AK7: variants seen among roughly 807,000 people sequenced by gnomAD.
The protein encoded by AK7 is ATP-AMP transphosphorylase 7.
AK7 carries 78 observed loss-of-function variants against 96.6 expected under a neutral mutation model. That is an observed-to-expected ratio of 0.81 (90% CI 0.67 to 0.97). AK7 has a LOEUF of 0.97. Ranked by LOEUF, AK7 falls within the 50% of genes least tolerant of loss-of-function variation. AK7 has a pLI of 0.00. For synonymous variants in AK7, 302 were observed against 317.2 expected (o/e 0.95, Z 0.51); for missense variants, 855 against 887.9 (o/e 0.96, Z 0.47).
Position 96,451,429 on chromosome 14 carries a change from T to A in AK7, c.957T>A (p.Cys319Ter), listed in dbSNP as rs1386283009. ...AYLTKDLTQD[C>*]LDHLLVNLRM... ...TGTCCTCTATCTTTCAGCAAGATTGTCTTGACCATTTACTGGTCAACTTAA... is the reference window on the plus strand; with the variant it reads ...TGTCCTCTATCTTTCAGCAAGATTGACTTGACCATTTACTGGTCAACTTAA... Residue 319 changes from cysteine to a stop codon, truncating the protein, a stop_gained, in exon 10 of 18, where the codon TGT (cysteine) becomes TGA (stop). Transcript: ENST00000267584. LOFTEE classifies it high-confidence loss of function. 1.5e-5 allele frequency: 23 copies of A among 1,572,162 alleles called. No individual in the cohort carries two copies. Among genetic ancestry groups the A allele is most frequent in the Non-Finnish European group, 1.9e-5 (22 of 1,157,562 alleles).
At chr14:96,447,690 T>A (rs1893322911) in intron 8 of AK7, among the ~76,000 whole-genome samples, 1 of 151,782 alleles carries the variant, frequency 6.6e-6, no homozygotes, top group Non-Finnish European at 1.5e-5. Flanking sequence ...AGTGGTGTGA[T>A]CTTAGCTCAC....
chr14:96,424,910 A>G (rs1301650175), intron 5 of AK7, among the ~76,000 whole-genome samples: 2 of 152,226 alleles, frequency 1.3e-5, no homozygotes, highest in East Asian at 3.9e-4. Flanking sequence ...TATAAAGCTG[A>G]TTTAACTGAA....
intron 6 of AK7, among the ~76,000 whole-genome samples, chr14:96,439,881 AG>A (rs1266251160): frequency 1.3e-5 from 2 of 152,150 alleles, no homozygotes; most frequent in Non-Finnish European, 2.9e-5. Flanking sequence ...CTGTAAAAGG[AG>A]GGGGGTGCAA....
In AK7 at chr14:96,483,229, G is replaced by C; in HGVS notation, c.1974+10G>C. On this transcript the variant is annotated intron_variant, in intron 16 of 17. Coordinates refer to ENST00000267584, the MANE Select transcript of AK7 (RefSeq NM_152327.5). ...TCGCTGGGAGGAGTGGGTGAGTGGT[G>C]AGTGTGTTTGTGAGTCTGTGTATCT... 1 of 1,581,656 alleles carries C rather than the reference G, an allele frequency of 6.3e-7. No homozygotes were observed. The highest frequency in any genetic ancestry group is 1.1e-5 in the South Asian group (1 of 87,456).
chr14:96,407,294 A>G lies in AK7; in HGVS notation c.404-1553A>G, dbSNP rs550890723. Among the ~76,000 whole-genome samples the G allele has an allele frequency of 3.9e-5, 6 of 152,338 alleles. No individual in the cohort carries two copies. In the South Asian group the frequency reaches 8.3e-4, roughly 21 times the overall value. On this transcript the variant is annotated intron_variant, in intron 3 of 17. Coordinates refer to ENST00000267584, the MANE Select transcript of AK7 (RefSeq NM_152327.5). ...AGGTTAAAAGAGCAAAATTAAATTG[A>G]AGAGACAATTTTTGTTATTAGACTA...
chr14:96,402,409 A>G lies in AK7; in HGVS notation c.295-2348A>G, dbSNP rs536401320. Among the ~76,000 whole-genome samples the G allele has an allele frequency of 2.6e-5, 4 of 152,284 alleles. No homozygotes were observed. In the South Asian group the frequency reaches 6.2e-4, roughly 24 times the overall value. ...CTTAAATAGAGCCAACCATAATTTG[A>G]CACGTGTGCGTGTTTTTCTGTGGAC... On this transcript the variant is annotated intron_variant, in intron 2 of 17. Coordinates refer to ENST00000267584, the MANE Select transcript of AK7 (RefSeq NM_152327.5).
intron 10 of AK7, 128 bp from the exon 11 acceptor site, chr14:96,456,219 A>G: frequency 1.9e-6 from 2 of 1,049,522 alleles, no homozygotes; most frequent in Non-Finnish European, 2.6e-6. Context: ...CCCGAGCAAC[A>G]GAGTGAGAGA....
chr14:96,428,366 A>G (rs1481681179), intron 5 of AK7, among the ~76,000 whole-genome samples: 1 of 152,164 alleles, frequency 6.6e-6, no homozygotes, highest in Non-Finnish European at 1.5e-5. Flanking sequence ...TTTATCATTG[A>G]TGGACATTTG....
At chr14:96,401,142 C>T (rs1053042566) in intron 2 of AK7, among the ~76,000 whole-genome samples, 1 of 152,112 alleles carries the variant, frequency 6.6e-6, no homozygotes, top group East Asian at 1.9e-4. Flanking sequence ...TTTGATTCTG[C>T]GAATGTTTCC....
rs1054578412 is a variant in AK7, at chr14:96,446,041, G to C, written c.780-476G>C. On this transcript the variant is annotated intron_variant, in intron 7 of 17. Transcript: ENST00000267584. ...GGATAGGAAAGCAGGCTCAGGCACT[G>C]TTGCTGCGTGACTTCCTTAAAGAGC... is the stretch of plus-strand genomic sequence containing the variant. Among the ~76,000 whole-genome samples, 3 of 152,226 alleles carry C rather than the reference G, an allele frequency of 2.0e-5. No homozygotes were observed. In the East Asian group the frequency reaches 5.8e-4, roughly 29 times the overall value.
chr14:96,483,154 G>C lies in AK7; in HGVS notation c.1909G>C (p.Glu637Gln). The C allele has an allele frequency of 6.2e-7, 1 of 1,613,846 alleles. No individual in the cohort carries two copies. Among genetic ancestry groups the C allele is most frequent in the Non-Finnish European group, 8.5e-7 (1 of 1,179,958 alleles). The change falls in exon 16 of 18, where the codon GAA becomes CAA. Residue 637 changes from glutamate to glutamine, a missense_variant. Coordinates refer to ENST00000267584, the MANE Select transcript of AK7 (RefSeq NM_152327.5). The stretch of plus-strand genomic sequence containing the variant: ...GCGGCTGGCCAGGGAGGCTGCTGAG[G>C]AAGCAGAACGCGAGCACCAGGAGGC... ...EERLAREAAE[E>Q]AEREHQEAVE...
At chr14:96,418,770 C>G (rs1433465095) in intron 4 of AK7, among the ~76,000 whole-genome samples, 1 of 152,200 alleles carries the variant, frequency 6.6e-6, no homozygotes, top group Non-Finnish European at 1.5e-5. Flanking sequence ...CCACCCACCT[C>G]AGCCTCCCAA....
At chr14:96,450,483 G>A (rs1332178023) in intron 9 of AK7, among the ~76,000 whole-genome samples, 4 of 149,486 alleles carry the variant, frequency 2.7e-5, no homozygotes, top group Admixed American at 6.7e-5. Flanking sequence ...TATTTGATAC[G>A]TAAAATGCCA....
intron 7 of AK7, among the ~76,000 whole-genome samples, chr14:96,445,618 C>G (rs552088957): frequency 8.6e-5 from 13 of 151,990 alleles, no homozygotes; most frequent in Non-Finnish European, 1.2e-4. Context: ...CGTGATAACA[C>G]CACTGCCTGC....
intron 14 of AK7, among the ~76,000 whole-genome samples, chr14:96,475,886 G>A (rs1895147689): frequency 6.6e-6 from 1 of 152,006 alleles, no homozygotes; most frequent in African/African-American, 2.4e-5. Context: ...GGCTGAAGTG[G>A]GAGGATCTCT....
intron 12 of AK7, among the ~76,000 whole-genome samples, chr14:96,460,521 G>T (rs1391052065): frequency 6.6e-6 from 1 of 152,110 alleles, no homozygotes; most frequent in Non-Finnish European, 1.5e-5. Context: ...ATCTCTCAGG[G>T]GCTCTTGAGA....
intron 5 of AK7, among the ~76,000 whole-genome samples, chr14:96,428,830 T>C (rs942990218): frequency 1.1e-4 from 17 of 152,208 alleles, no homozygotes; most frequent in Admixed American, 1.0e-3. Context: ...TTCTTGTAAA[T>C]TTGTTTGAGT....
At chr14:96,430,183 ATTTT>A (rs555444267) in intron 5 of AK7, among the ~76,000 whole-genome samples, 11 of 116,112 alleles carry the variant, frequency 9.5e-5, no homozygotes, top group South Asian at 5.5e-4. Flanking sequence ...GGGCTGTTGA[ATTTT>A]TTTTTTTTTT....
chr14:96,425,926 A>G lies in AK7; in HGVS notation c.609+4994A>G, dbSNP rs140752561. 1.5e-3 allele frequency among the ~76,000 whole-genome samples: 235 copies of G among 152,230 alleles called. 3 individuals carry two copies. The highest frequency in any genetic ancestry group is 5.0e-4 in the Non-Finnish European group (34 of 68,004). ...TTTACAGGTAGAGTGTGTTTCTTGTAGGCAACAGATCAATGTGTCTTGTTT... is the reference window on the plus strand; with the variant it reads ...TTTACAGGTAGAGTGTGTTTCTTGTGGGCAACAGATCAATGTGTCTTGTTT... On this transcript the variant is annotated intron_variant, in intron 5 of 17. Coordinates refer to ENST00000267584, the MANE Select transcript of AK7 (RefSeq NM_152327.5).
Sources: allele counts gnomAD v4.1 joint callset (sites outside exome capture counted in the v4.1 genomes callset), GRCh38; gene constraint gnomAD v4.1.1; transcripts MANE v1.5; gene names NCBI Gene and HGNC (gene_info 2026-07-23, HGNC 2026-07-21).